Variants in COPB1 observed in about 807,000 individuals in gnomAD.
COPB1 encodes the protein coatomer subunit beta.
A neutral mutation model predicts 108.7 loss-of-function variants in COPB1; 21 were observed. The observed-to-expected ratio is 0.19, with a 90% CI of 0.14 to 0.28. The LOEUF (loss-of-function observed/expected upper bound fraction) is 0.28, where lower values mean the gene tolerates loss of function less well. Among genes scored for constraint, COPB1 ranks in the 10% least tolerant of loss-of-function variants. The pLI is 1.00. For synonymous variants in COPB1, 378 were observed against 386.8 expected (o/e 0.98, Z 0.27); for missense variants, 919 against 1,141.3 (o/e 0.81, Z 2.81).
intron 10 of COPB1, 45 bp from the exon 11 acceptor site, chr11:14,479,759 A>G (rs768212616): frequency 6.7e-7 from 1 of 1,494,508 alleles, no homozygotes; most frequent in South Asian, 1.3e-5. Context: ...ACAATTTTCG[A>G]AAAGAAAATT....
intron 11 of COPB1, chr11:14,478,953 C>G (rs1218389840): frequency 1.1e-5 from 1 of 94,588 alleles, no homozygotes; most frequent in Non-Finnish European, 2.0e-5. Context: ...GGAAAGCCCT[C>G]TCACAAAAAA....
In COPB1 at chr11:14,494,237, C is replaced by G. The variant is rs1396418062; in HGVS notation, c.294G>C (p.Met98Ile). 1 of 1,612,496 alleles carries G rather than the reference C, an allele frequency of 6.2e-7. No homozygotes were observed. Among genetic ancestry groups the G allele is most frequent in the Non-Finnish European group, 8.5e-7 (1 of 1,178,930 alleles). The change falls in exon 3 of 22, where the codon ATG becomes ATC. Residue 98 changes from methionine to isoleucine, a missense_variant. Met to Ile is a conservative substitution (Grantham distance 10). Around this residue, in one of 5 missense-constraint regions of COPB1, gnomAD observed 22 missense variants for 58.8 expected, o/e 0.37. Transcript: ENST00000439561. ...TTCTGTATGCATCACATACAAGGAT[C>G]ATCTCATGTAAAAGTCTCCCATCTG... The part of the protein sequence containing the change: ...TTPDGRLLHE[M>I]ILVCDAYRKD...
At chr11:14,458,075 T>TTA (rs1589949003) in intron 21 of COPB1, among the ~76,000 whole-genome samples, 192 bp from the exon 22 acceptor site, 1 of 18,768 alleles carries the variant, frequency 5.3e-5, no homozygotes, top group East Asian at 1.6e-3. Context: ...CGTCACCAGA[T>TTA]TTTTTTTTTT....
At chr11:14,463,437 C>G (rs1037777130) in intron 18 of COPB1, among the ~76,000 whole-genome samples, 5 of 152,226 alleles carry the variant, frequency 3.3e-5, no homozygotes, top group Non-Finnish European at 7.3e-5. Flanking sequence ...CCTGCCTCAG[C>G]CTCCCGAGTT....
intron 2 of COPB1, among the ~76,000 whole-genome samples, chr11:14,496,523 A>G (rs909687706): frequency 6.6e-6 from 1 of 152,186 alleles, no homozygotes; most frequent in Admixed American, 6.5e-5. Flanking sequence ...TACAATGAAA[A>G]CTATAAATAC....
At chr11:14,494,600 C>T in intron 2 of COPB1, 161 bp from the exon 3 acceptor site, 1 of 564,092 alleles carries the variant, frequency 1.8e-6, no homozygotes, top group Non-Finnish European at 3.1e-6. Context: ...CCACCTGGTT[C>T]TCCACCAAAT....
rs989182149 is a variant in COPB1, at chr11:14,498,899, C to T, written c.30G>A (p.Thr10=). 4.3e-6 allele frequency: 7 copies of T among 1,609,922 alleles called. No individual in the cohort carries two copies. Among genetic ancestry groups the T allele is most frequent in the African/African-American group, 4.0e-5 (3 of 74,450 alleles). ...CTGAATCCATTGGCACGTTAATTAA[C>T]GTGTAGCATACGTTCTCAGCCGCCG... MTAAENVCY[T]LINVPMDSEP... Residue 10 remains threonine, a synonymous_variant, in exon 2 of 22, where the codon ACG becomes ACA. Transcript: ENST00000439561.
At position 14,468,817 on chromosome 11, in the gene COPB1, G is replaced by A; in HGVS notation, c.2009C>T (p.Pro670Leu). The change falls in exon 16 of 22, where the codon CCC (proline) becomes CTC (leucine). Residue 670 changes from proline to leucine, a missense_variant. By Grantham distance (98) the Pro-to-Leu change is moderately conservative. Coordinates refer to ENST00000439561, the MANE Select transcript of COPB1 (RefSeq NM_001144061.2). ...AGCAGTTAGTTGCATGAAGGAAATG[G>A]GGTCATCAGGCTGTACTGTCACATT... is the stretch of plus-strand genomic sequence containing the variant. Reference protein sequence around the residue: ...KRNVTVQPDDPISFMQLTAKN... With the variant: ...KRNVTVQPDDLISFMQLTAKN... 1.2e-6 allele frequency: 2 copies of A among 1,613,918 alleles called. No individual in the cohort carries two copies. The highest frequency in any genetic ancestry group is 8.5e-7 in the Non-Finnish European group (1 of 1,179,888).
intron 18 of COPB1, 93 bp from the exon 19 acceptor site, chr11:14,461,424 TAAC>T: frequency 2.4e-6 from 3 of 1,269,000 alleles, no homozygotes; most frequent in Non-Finnish European, 3.3e-6. Context: ...ACTACACTAT[TAAC>T]AATAAGATTG....
chr11:14,481,710 C>A (rs775113155), intron 8 of COPB1, among the ~76,000 whole-genome samples: 1 of 152,178 alleles, frequency 6.6e-6, no homozygotes. Flanking sequence ...AAAAACAATT[C>A]GAAACTGATA....
rs760076508 is a variant in COPB1 at position 14,480,893 on chromosome 11, G to C, written c.1078C>G (p.Leu360Val). The change falls in exon 10 of 22, where the codon CTG becomes GTG. Residue 360 changes from leucine (L) to valine (V), a missense_variant. Physicochemically the swap from Leu to Val is conservative, Grantham distance 32 (BLOSUM62 1). Coordinates refer to ENST00000439561, the MANE Select transcript of COPB1 (RefSeq NM_001144061.2). ...SRNVEELVIV[L>V]KKEVIKTNNV... is the part of the protein sequence containing the mutation. The stretch of plus-strand genomic sequence containing the variant: ...TTTGTTTTTATCACTTCCTTCTTCA[G>C]GACAATAACCAGCTTATAGAATGAA... 1 of 1,613,828 alleles carries C rather than the reference G, an allele frequency of 6.2e-7. No homozygotes were observed. The highest frequency in any genetic ancestry group is 1.1e-5 in the South Asian group (1 of 91,038).
chr11:14,491,669 C>CG (rs1565023986), intron 4 of COPB1, among the ~76,000 whole-genome samples: 2 of 138,426 alleles, frequency 1.4e-5, no homozygotes, highest in South Asian at 2.2e-4. Flanking sequence ...AACTCTGTCT[C>CG]AAAAAAAAAA....
At chr11:14,491,574 C>G (rs1850904254) in intron 4 of COPB1, among the ~76,000 whole-genome samples, 1 of 150,864 alleles carries the variant, frequency 6.6e-6, no homozygotes, top group Admixed American at 6.6e-5. Flanking sequence ...GAGGCTGAGG[C>G]AGGAGAATTG....
chr11:14,463,184 AC>A (rs1326375909), intron 18 of COPB1, among the ~76,000 whole-genome samples: 2 of 152,066 alleles, frequency 1.3e-5, no homozygotes, highest in African/African-American at 2.4e-5. Context: ...TTCTCCTTTG[AC>A]CAAGCTTTCA....
intron 10 of COPB1, 84 bp downstream of exon 10, chr11:14,480,675 G>A: frequency 1.5e-6 from 2 of 1,334,776 alleles, no homozygotes; most frequent in South Asian, 2.8e-5. Flanking sequence ...AGGCAGCTGA[G>A]ATTTCTGGAG....
At chr11:14,465,861 T>A (rs1372287271) in intron 17 of COPB1, among the ~76,000 whole-genome samples, 1 of 150,586 alleles carries the variant, frequency 6.6e-6, no homozygotes, top group Non-Finnish European at 1.5e-5. Context: ...GAAAAAAAAA[T>A]GCATCTCATA....
chr11:14,469,207 C>G, intron 15 of COPB1, 129 bp downstream of exon 15: 1 of 766,820 alleles, frequency 1.3e-6, no homozygotes, highest in Non-Finnish European at 2.2e-6. Context: ...ATGTAGCCCA[C>G]ACTGGTCTCA....
In COPB1 at chr11:14,481,093, A is replaced by T. The variant is rs754060006; in HGVS notation, c.962T>A (p.Leu321Gln). 6.2e-6 allele frequency: 10 copies of T among 1,601,106 alleles called. No individual in the cohort carries two copies. The highest frequency in any genetic ancestry group is 1.7e-4 in the Middle Eastern group (1 of 6,004). ...CAATACTCTTAGGATATCCATAACC[A>T]GATCCTAAAAAAGAAGAAAAAATCA... ...HPAHERVLQD[L>Q]VMDILRVLST... is the part of the protein sequence containing the mutation. Residue 321 changes from leucine (L) to glutamine (Q), a missense_variant, in exon 9 of 22, where the codon CTG becomes CAG. Leu to Gln is a moderately radical substitution (Grantham distance 113). Coordinates refer to ENST00000439561, the MANE Select transcript of COPB1 (RefSeq NM_001144061.2).
intron 5 of COPB1, among the ~76,000 whole-genome samples, chr11:14,490,218 T>G (rs1262128456): frequency 1.3e-5 from 2 of 152,164 alleles, no homozygotes; most frequent in East Asian, 1.9e-4. Context: ...CAGGCATGGC[T>G]AAGGATGTAT....
Sources: gnomAD v4.1 joint callset for allele counts (sites outside exome capture counted in the v4.1 genomes callset) on GRCh38, gnomAD v4.1.1 for gene constraint, gnomAD v4.1.1 regional missense constraint, MANE v1.5 for transcripts, NCBI Gene and HGNC (gene_info 2026-07-23, HGNC 2026-07-21) for gene names.